Variants in ERLEC1 observed in about 807,000 individuals in gnomAD.
ERLEC1 encodes the protein ER lectin.
A neutral mutation model predicts 68.0 loss-of-function variants in ERLEC1; 47 were observed. The ratio of observed to expected loss-of-function variants is 0.69; its 90% CI spans 0.55 to 0.88. The LOEUF (loss-of-function observed/expected upper bound fraction) is 0.88. Among genes scored for constraint, ERLEC1 ranks in the 40% least tolerant of loss-of-function variants. ERLEC1 has a pLI of 0.00. For synonymous variants in ERLEC1, 225 were observed against 203.2 expected (o/e 1.11, Z -0.91); for missense variants, 567 against 583.8 (o/e 0.97, Z 0.30).
At chr2:53,812,902 T>G (rs1676665491) in intron 10 of ERLEC1, 47 bp from the exon 11 acceptor site, 3 of 1,592,848 alleles carry the variant, frequency 1.9e-6, no homozygotes, top group Non-Finnish European at 2.6e-6. Context: ...AAATATCTAC[T>G]TGATGATATC....
chr2:53,808,201 C>A, intron 8 of ERLEC1, 98 bp from the exon 9 acceptor site: 1 of 1,322,722 alleles, frequency 7.6e-7, no homozygotes, highest in East Asian at 2.4e-5. Context: ...ATTTATTTTT[C>A]AAATTTTCTG....
chr2:53,796,620 G>C (rs1422063741), intron 3 of ERLEC1, among the ~76,000 whole-genome samples: 2 of 151,586 alleles, frequency 1.3e-5, no homozygotes, highest in Admixed American at 6.6e-5. Context: ...GCTAATTTTT[G>C]TATTTTTTAT....
rs1291530811 is a variant in ERLEC1 at position 53,799,090 on chromosome 2, C to G, written c.525+9C>G. The G allele has an allele frequency of 1.9e-6, 3 of 1,610,444 alleles. No individual in the cohort carries two copies. The highest frequency in any genetic ancestry group is 2.5e-6 in the Non-Finnish European group (3 of 1,177,736). On this transcript the variant is annotated intron_variant, in intron 6 of 13. Coordinates refer to ENST00000185150, the MANE Select transcript of ERLEC1 (RefSeq NM_015701.5). ...AGGAAAAATCAAATGAGGCAAGTGA[C>G]AGATGTTGATTTTTTTCCTCTTAAC...
intron 2 of ERLEC1, among the ~76,000 whole-genome samples, chr2:53,795,315 C>T (rs865869793): frequency 2.6e-5 from 4 of 152,136 alleles, no homozygotes; most frequent in Admixed American, 2.6e-4. Flanking sequence ...CTGACTTCCT[C>T]CACTCAATAA....
At chr2:53,810,084 CAAAA>C (rs1022739690) in intron 10 of ERLEC1, among the ~76,000 whole-genome samples, 38 of 151,898 alleles carry the variant, frequency 2.5e-4, no homozygotes, top group African/African-American at 8.9e-4. Flanking sequence ...ACCAAACAAA[CAAAA>C]AAAGAACGAA....
rs1208972789 is a variant in ERLEC1, at chr2:53,817,981, G to A, written c.*12G>A. The A allele has an allele frequency of 1.4e-6, 2 of 1,470,156 alleles. No individual in the cohort carries two copies. The highest frequency in any genetic ancestry group is 2.8e-5 in the African/African-American group (2 of 72,130). 91.1% of individuals were successfully genotyped at this position (1,470,156 alleles called of 1,614,324 possible). On this transcript the variant is annotated 3_prime_UTR_variant, in exon 14 of 14. Transcript: ENST00000185150. ...CTCTCCCCAACTAAAGGATATTAAAGTTAGGGGAAAGAAAAGATCATTGAA... is the reference window on the plus strand; with the variant it reads ...CTCTCCCCAACTAAAGGATATTAAAATTAGGGGAAAGAAAAGATCATTGAA...
At chr2:53,789,593 A>G (rs1675274308) in intron 1 of ERLEC1, among the ~76,000 whole-genome samples, 1 of 152,048 alleles carries the variant, frequency 6.6e-6, no homozygotes, top group Admixed American at 6.6e-5. Context: ...ACTTTGAGAA[A>G]AATCTAGAGT....
chr2:53,793,474 C>T (rs1015914834), intron 1 of ERLEC1, among the ~76,000 whole-genome samples: 3 of 152,198 alleles, frequency 2.0e-5, no homozygotes, highest in African/African-American at 4.8e-5. Flanking sequence ...TTTGTTGCTA[C>T]AGTGGCAGAG....
chr2:53,809,192 AAT>A lies in ERLEC1; in HGVS notation c.1042-19_1042-18del, dbSNP rs1370257582. 3 of 1,568,876 alleles carry A rather than the reference AAT, an allele frequency of 1.9e-6. No homozygotes were observed. Among genetic ancestry groups the A allele is most frequent in the African/African-American group, 1.4e-5 (1 of 72,050 alleles). ...AAAGGCCCAGTTCTTAACTTGATCT[AAT>A]ATGTTTTCTTTTTTTTTAGGGTGTC... On this transcript the variant is annotated intron_variant, in intron 9 of 13. Coordinates refer to ENST00000185150, the MANE Select transcript of ERLEC1 (RefSeq NM_015701.5).
rs1240729773 is a variant in ERLEC1, at chr2:53,818,063, C to T, written c.*94C>T. The stretch of plus-strand genomic sequence containing the variant: ...ATTATAGAGTTCTCAGCCATTGGAC[C>T]TCTTCTAAAGGATGGTATAAAATGA... On this transcript the variant is annotated 3_prime_UTR_variant, in exon 14 of 14. Transcript: ENST00000185150. The T allele has an allele frequency of 8.6e-6, 7 of 809,674 alleles. No individual in the cohort carries two copies. The highest frequency in any genetic ancestry group is 3.8e-5 in the Admixed American group (2 of 52,698). 50.2% of individuals were successfully genotyped at this position (809,674 alleles called of 1,614,324 possible). A position where few individuals can be genotyped will look rare whatever the true frequency, so the allele number is the denominator to read the frequency against.
intron 5 of ERLEC1, 67 bp downstream of exon 5, chr2:53,797,862 A>T: frequency 7.3e-7 from 1 of 1,363,920 alleles, no homozygotes; most frequent in South Asian, 1.2e-5. Flanking sequence ...TTCAAAATGG[A>T]ATTTACGAGA....
chr2:53,798,280 T>C (rs916663652), intron 5 of ERLEC1, among the ~76,000 whole-genome samples: 30 of 152,080 alleles, frequency 2.0e-4, no homozygotes, highest in Middle Eastern at 6.8e-3. Context: ...TTTTTTTTTT[T>C]AGACAGATTC....
intron 10 of ERLEC1, among the ~76,000 whole-genome samples, chr2:53,812,655 G>C (rs1486935921): frequency 1.3e-5 from 2 of 152,042 alleles, no homozygotes; most frequent in African/African-American, 4.8e-5. Flanking sequence ...AAAATATCCA[G>C]GAAAGAACTG....
In ERLEC1 at chr2:53,809,220, G is replaced by A. The variant is rs147788243; in HGVS notation, c.1048G>A (p.Gly350Ser). The A allele has an allele frequency of 3.5e-5, 55 of 1,580,476 alleles. No individual in the cohort carries two copies. The highest frequency in any genetic ancestry group is 7.8e-5 in the Admixed American group (4 of 50,992). ...SGSYCFRGGVGWWKYEFCYGK... is the reference protein window; with the variant it reads ...SGSYCFRGGVSWWKYEFCYGK... Reference sequence around the variant, plus strand: ...ATGTTTTCTTTTTTTTTAGGGTGTCGGTTGGTGGAAATATGAATTCTGCTA... The same window carrying A: ...ATGTTTTCTTTTTTTTTAGGGTGTCAGTTGGTGGAAATATGAATTCTGCTA... The change falls in exon 10 of 14, where the codon GGT becomes AGT. Residue 350 changes from glycine to serine, a missense_variant. Physicochemically the swap from Gly to Ser is moderately conservative, Grantham distance 56 (BLOSUM62 0). Coordinates refer to ENST00000185150, the MANE Select transcript of ERLEC1 (RefSeq NM_015701.5).
At chr2:53,812,666 A>G (rs971732371) in intron 10 of ERLEC1, among the ~76,000 whole-genome samples, 2 of 152,172 alleles carry the variant, frequency 1.3e-5, no homozygotes, top group East Asian at 1.9e-4. Context: ...GAAAGAACTG[A>G]TGGGACTTAC....
chr2:53,794,288 T>A (rs900091209), intron 1 of ERLEC1, 57 bp from the exon 2 acceptor site: 4 of 707,356 alleles, frequency 5.7e-6, no homozygotes, highest in Non-Finnish European at 9.4e-6. Flanking sequence ...ACTAAAGTTA[T>A]TCAGTGTGAT....
intron 10 of ERLEC1, among the ~76,000 whole-genome samples, chr2:53,811,164 A>G (rs1676573418): frequency 6.6e-6 from 1 of 152,092 alleles, no homozygotes; most frequent in African/African-American, 2.4e-5. Flanking sequence ...GCAACAATCG[A>G]TTTCATTCTT....
intron 8 of ERLEC1, among the ~76,000 whole-genome samples, chr2:53,803,809 A>G (rs1676132053): frequency 6.6e-6 from 1 of 152,212 alleles, no homozygotes; most frequent in South Asian, 2.1e-4. Flanking sequence ...TGAATTTTTT[A>G]AAGCTACAGA....
At chr2:53,817,806 A>G in intron 13 of ERLEC1, 92 bp from the exon 14 acceptor site, 2 of 724,754 alleles carry the variant, frequency 2.8e-6, no homozygotes, top group South Asian at 1.7e-5. Context: ...TCATGCTTCT[A>G]GCAAATATAA....
Sources: allele counts gnomAD v4.1 joint callset (sites outside exome capture counted in the v4.1 genomes callset), GRCh38; gene constraint gnomAD v4.1.1; transcripts MANE v1.5; gene names NCBI Gene and HGNC (gene_info 2026-07-23, HGNC 2026-07-21).